The following ZNF606 variants were observed in gnomAD, a reference collection of about 807,000 sequenced individuals.
ZNF606 encodes zinc finger protein 606, also known as zinc finger protein 328.
A neutral mutation model predicts 74.9 loss-of-function variants in ZNF606; 37 were observed. The observed-to-expected ratio is 0.49, with a 90% CI of 0.38 to 0.65. The LOEUF is 0.65. ZNF606 is among the 30% of genes least tolerant of loss of function. ZNF606 has a pLI of 0.00. For missense variants in ZNF606, 852 were observed against 952.9 expected (o/e 0.89, Z 1.39); for synonymous variants, 328 against 312.4 (o/e 1.05, Z -0.53).
chr19:58,001,940 G>A, intron 1 of ZNF606: 1 of 333,222 alleles, frequency 3.0e-6, no homozygotes, highest in South Asian at 2.3e-5. Context: ...GCCTAAGCTT[G>A]TGTGTGTGTG....
intron 4 of ZNF606, among the ~76,000 whole-genome samples, chr19:57,990,847 T>C (rs1477710436): frequency 6.6e-6 from 1 of 152,018 alleles, no homozygotes; most frequent in Non-Finnish European, 1.5e-5. Flanking sequence ...CTGCTTCTGC[T>C]CCAATAAATA....
At chr19:57,998,287 A>C (rs988907510) in intron 4 of ZNF606, 41 of 152,196 alleles carry the variant, frequency 2.7e-4, no homozygotes, top group Admixed American at 2.6e-3. Flanking sequence ...AAAACTGAAA[A>C]CAGGAAGTTA....
At chr19:57,993,066 A>G (rs537883225) in intron 4 of ZNF606, among the ~76,000 whole-genome samples, 13 of 152,202 alleles carry the variant, frequency 8.5e-5, no homozygotes, top group South Asian at 2.1e-4. Flanking sequence ...CACAGGAGAT[A>G]TGACGCAAGC....
chr19:57,988,422 C>G, intron 5 of ZNF606, 120 bp from the exon 6 acceptor site: 1 of 1,366,530 alleles, frequency 7.3e-7, no homozygotes, highest in Non-Finnish European at 1.0e-6. Context: ...CAAGGTCCTT[C>G]CCACTCCATG....
intron 1 of ZNF606, 86 bp from the exon 2 acceptor site, chr19:58,001,456 G>C: frequency 9.3e-7 from 1 of 1,069,898 alleles, no homozygotes; most frequent in South Asian, 1.4e-5. Flanking sequence ...ATCCACCGAA[G>C]CAACAAAAAA....
At chr19:57,987,156 A>G (rs1311052348) in intron 6 of ZNF606, among the ~76,000 whole-genome samples, 2 of 152,168 alleles carry the variant, frequency 1.3e-5, no homozygotes, top group East Asian at 3.9e-4. Flanking sequence ...ATAGTAAAAG[A>G]AAAGTAGTTA....
rs754444240 is a variant in ZNF606 at position 57,999,795 on chromosome 19, A to G, written c.177+13T>C. ...GGACATCATCCTCTGGGAACAGGAC[A>G]GCCCCATCTCACCTGAACCTGGGCT... On this transcript the variant is annotated intron_variant, in intron 4 of 6. Coordinates refer to ENST00000551380, the MANE Select transcript of ZNF606 (RefSeq NM_001348022.3). The G allele has an allele frequency of 1.2e-6, 2 of 1,613,522 alleles. No individual in the cohort carries two copies. The highest frequency in any genetic ancestry group is 1.7e-5 in the Admixed American group (1 of 60,030).
chr19:58,003,166 C>A, upstream of ZNF606: 1 of 446,556 alleles, frequency 2.2e-6, no homozygotes, highest in Non-Finnish European at 4.6e-6. Flanking sequence ...TTCCATTTGG[C>A]GTTCGCAAGA....
chr19:57,979,709 T>C lies in ZNF606; in HGVS notation c.971A>G (p.Gln324Arg). ...AAATGATGGGCTCTGGTTAAAGATT[T>C]GATGGCATTCCTTATATTCATAGAG... ...EKLYEYKECH[Q>R]IFNQSPSFNE... The change falls in exon 7 of 7, where the codon CAA (glutamine) becomes CGA (arginine). Residue 324 changes from glutamine to arginine, a missense_variant. Physicochemically the swap from Gln to Arg is conservative, Grantham distance 43 (BLOSUM62 1). This residue lies in a region of ZNF606 where 545 missense variants were observed against 542.5 expected (regional missense o/e 1.00). Transcript: ENST00000551380. 6.2e-7 allele frequency: 1 copy of C among 1,613,544 alleles called. No individual in the cohort carries two copies. Among genetic ancestry groups the C allele is most frequent in the African/African-American group, 1.3e-5 (1 of 75,016 alleles).
At chr19:57,980,528 G>C (rs1253468307) in intron 6 of ZNF606, among the ~76,000 whole-genome samples, 2 of 152,194 alleles carry the variant, frequency 1.3e-5, no homozygotes, top group African/African-American at 4.8e-5. Flanking sequence ...TGAAAAGGAA[G>C]ACCAGTATAA....
chr19:58,002,653 A>T lies in ZNF606; in HGVS notation c.-309T>A, dbSNP rs2073457095. 6.6e-6 allele frequency: 3 copies of T among 453,482 alleles called. No homozygotes were observed. Among genetic ancestry groups the T allele is most frequent in the Non-Finnish European group, 1.3e-5 (3 of 225,698 alleles). The allele number at this position is 453,482 out of a possible 1,614,324, so 28.1% of individuals were successfully genotyped here. A position where few individuals can be genotyped will look rare whatever the true frequency, so the allele number is the denominator to read the frequency against. On this transcript the variant is annotated 5_prime_UTR_variant, in exon 1 of 7. Transcript: ENST00000551380. ...GCTGGCTGGAGAACCGACGGCAACG[A>T]CGGCGCAAAGCCGGCGCGGAAAGGG...
chr19:58,000,861 G>T, intron 2 of ZNF606, 122 bp from the exon 3 acceptor site: 2 of 873,390 alleles, frequency 2.3e-6, no homozygotes, highest in Non-Finnish European at 3.4e-6. Flanking sequence ...GCCCAAGGGT[G>T]TGTAAAAAAA....
chr19:57,980,491 A>G (rs1174674560), intron 6 of ZNF606, among the ~76,000 whole-genome samples: 2 of 152,236 alleles, frequency 1.3e-5, no homozygotes, highest in African/African-American at 4.8e-5. Context: ...ACTGAAAACT[A>G]ATGAAACCAT....
At chr19:58,000,835 A>G in intron 2 of ZNF606, 96 bp from the exon 3 acceptor site, 1 of 1,218,726 alleles carries the variant, frequency 8.2e-7, no homozygotes, top group Non-Finnish European at 1.1e-6. Context: ...GGGCACTACA[A>G]AATTCCATAA....
chr19:57,978,580 T>C lies in ZNF606; in HGVS notation c.2100A>G (p.Arg700=). 1 of 1,614,128 alleles carries C rather than the reference T, an allele frequency of 6.2e-7. No individual in the cohort carries two copies. The highest frequency in any genetic ancestry group is 8.5e-7 in the Non-Finnish European group (1 of 1,180,032). ...TGTATGGTTTCTCTCCAGTATGAGTTCTCCGGTGTGCAATGAGGTGAGAAC... is the reference window on the plus strand; with the variant it reads ...TGTATGGTTTCTCTCCAGTATGAGTCCTCCGGTGTGCAATGAGGTGAGAAC... ...NCSSHLIAHR[R]THTGEKPYRC... Residue 700 remains arginine, a synonymous_variant, in exon 7 of 7, where the codon AGA becomes AGG. Coordinates refer to ENST00000551380, the MANE Select transcript of ZNF606 (RefSeq NM_001348022.3). The surrounding 1 kb of genome is among the most constrained non-coding windows in gnomAD (Gnocchi z 4.4).
chr19:57,992,077 A>G (rs2073269843), intron 4 of ZNF606, among the ~76,000 whole-genome samples: 1 of 152,080 alleles, frequency 6.6e-6, no homozygotes, highest in Admixed American at 6.6e-5. Context: ...CCCTCCCAAG[A>G]CCCCAATGGA....
chr19:58,002,916 C>A (rs974895895), upstream of ZNF606: 10 of 445,734 alleles, frequency 2.2e-5, no homozygotes, highest in Admixed American at 2.5e-4. Flanking sequence ...TGGGCCGCGC[C>A]GCCTCGCCCT....
intron 2 of ZNF606, chr19:58,001,067 T>A: frequency 1.7e-6 from 1 of 582,834 alleles, no homozygotes; most frequent in Middle Eastern, 4.7e-4. Flanking sequence ...GAAAAATCCC[T>A]TAAAACTAAT....
In ZNF606 at chr19:57,979,990, T is replaced by C; in HGVS notation, c.690A>G (p.Arg230=). 6.2e-7 allele frequency: 1 copy of C among 1,613,770 alleles called. No homozygotes were observed. Among genetic ancestry groups the C allele is most frequent in the South Asian group, 1.1e-5 (1 of 91,082 alleles). ...SQNLNFVPSQ[R]VSQIEHFYKP... Reference sequence around the variant, plus strand: ...TATAGAAATGTTCTATCTGAGAAACTCTCTGAGATGGAACAAAGTTTAAGT... The same window carrying C: ...TATAGAAATGTTCTATCTGAGAAACCCTCTGAGATGGAACAAAGTTTAAGT... The change falls in exon 7 of 7, where the codon AGA becomes AGG. Residue 230 remains arginine (R), a synonymous_variant. Coordinates refer to ENST00000551380, the MANE Select transcript of ZNF606 (RefSeq NM_001348022.3).
Sources: allele counts gnomAD v4.1 joint callset (sites outside exome capture counted in the v4.1 genomes callset), GRCh38; gene constraint gnomAD v4.1.1; regional missense constraint gnomAD v4.1.1; non-coding constraint Gnocchi (gnomAD v3.1); transcripts MANE v1.5; gene names NCBI Gene and HGNC (gene_info 2026-07-23, HGNC 2026-07-21).